The following NXN variants were observed in gnomAD, a reference collection of about 807,000 sequenced individuals.
The protein encoded by NXN is nucleoredoxin, also known as nucleoredoxin 1.
NXN carries 16 observed loss-of-function variants against 48.6 expected under a neutral mutation model. The observed-to-expected ratio is 0.33, with a 90% CI of 0.22 to 0.50. The LOEUF is 0.50. Among genes scored for constraint, NXN ranks in the 20% least tolerant of loss-of-function variants. The pLI, the probability that NXN is intolerant of heterozygous loss-of-function variation, is 0.98. For missense variants in NXN, 492 were observed against 605.5 expected (o/e 0.81, Z 1.97); for synonymous variants, 281 against 269.6 (o/e 1.04, Z -0.41).
chr17:823,227 T>C (rs983478872), intron 3 of NXN, among the ~76,000 whole-genome samples: 8 of 152,054 alleles, frequency 5.3e-5, no homozygotes, highest in Admixed American at 3.9e-4. Flanking sequence ...GGCAAAACCC[T>C]GTCTCTATTA....
At chr17:874,234 T>C (rs990436788) in intron 1 of NXN, among the ~76,000 whole-genome samples, 18 of 152,182 alleles carry the variant, frequency 1.2e-4, no homozygotes, top group Non-Finnish European at 1.9e-4. Context: ...TGATTGTAAG[T>C]TTCCCGAGGC....
At chr17:933,891 A>G (rs1445104123) in intron 1 of NXN, among the ~76,000 whole-genome samples, 1 of 152,158 alleles carries the variant, frequency 6.6e-6, no homozygotes, top group Non-Finnish European at 1.5e-5. Context: ...GGATTCCAAT[A>G]CAAGCAGCCA....
chr17:873,719 C>T (rs1337348404), intron 1 of NXN, among the ~76,000 whole-genome samples: 98 of 152,012 alleles, frequency 6.4e-4, no homozygotes, highest in Admixed American at 6.3e-3. Context: ...TGGTAGGAAA[C>T]GGCCTTCTCA....
At chr17:914,492 C>T (rs544502309) in intron 1 of NXN, among the ~76,000 whole-genome samples, 31 of 152,126 alleles carry the variant, frequency 2.0e-4, no homozygotes, top group Admixed American at 6.5e-4. Context: ...CTTTTTAAGG[C>T]GAGAAGTATG....
chr17:850,194 C>T (rs755350127), intron 1 of NXN, among the ~76,000 whole-genome samples: 34 of 152,188 alleles, frequency 2.2e-4, no homozygotes, highest in Non-Finnish European at 4.0e-4. Context: ...ACCTGACGGA[C>T]GCTCTCAGCC....
intron 5 of NXN, among the ~76,000 whole-genome samples, chr17:811,084 G>A (rs1017821747): frequency 6.6e-6 from 1 of 152,178 alleles, no homozygotes; most frequent in Non-Finnish European, 1.5e-5. Flanking sequence ...TGAGGAAGGA[G>A]GGAAGCAGAA....
chr17:890,113 G>A (rs1468465903), intron 1 of NXN, among the ~76,000 whole-genome samples: 4 of 151,840 alleles, frequency 2.6e-5, no homozygotes, highest in African/African-American at 4.8e-5. Context: ...GCATGCCGGC[G>A]TGAACTCAGT....
chr17:935,883 G>A (rs1320035962), intron 1 of NXN, among the ~76,000 whole-genome samples: 3 of 151,962 alleles, frequency 2.0e-5, no homozygotes, highest in African/African-American at 7.2e-5. Flanking sequence ...ACCTGAGGTC[G>A]GGAGTTTAAG....
intron 1 of NXN, among the ~76,000 whole-genome samples, chr17:870,388 A>G (rs910753722): frequency 3.9e-5 from 6 of 152,020 alleles, no homozygotes; most frequent in African/African-American, 1.4e-4. Flanking sequence ...TCTCACTGTT[A>G]TCACGTGATC....
intron 1 of NXN, among the ~76,000 whole-genome samples, chr17:891,357 T>C (rs1241577393): frequency 3.3e-5 from 5 of 152,220 alleles, no homozygotes; most frequent in Non-Finnish European, 5.9e-5. Context: ...AGTGAGCCAC[T>C]GCACCCGGCC....
intron 5 of NXN, among the ~76,000 whole-genome samples, chr17:814,016 T>C (rs149807722): frequency 1.3e-5 from 2 of 151,230 alleles, no homozygotes; most frequent in African/African-American, 4.9e-5. Flanking sequence ...ATCCCAGCAC[T>C]TTGGGAGGCC....
chr17:975,805 A>G (rs1174251682), intron 1 of NXN, among the ~76,000 whole-genome samples: 1 of 152,204 alleles, frequency 6.6e-6, no homozygotes, highest in Admixed American at 6.5e-5. Context: ...GGACCTCTCC[A>G]GTCTTGACGA....
rs1005823473 is a variant in NXN, at chr17:830,932, G to A, written c.361-4854C>T. On this transcript the variant is annotated intron_variant, in intron 1 of 7. Coordinates refer to ENST00000336868, the MANE Select transcript of NXN (RefSeq NM_022463.5). This position sits in a 1 kb window ranked among gnomAD's most constrained non-coding sequence, Gnocchi z 4.2. ...GGAGAATCACTTGAACCCGGGAGGC[G>A]GAGGTTGCTGTGAGCCGAGACTGAG... is the stretch of plus-strand genomic sequence containing the variant. Among the ~76,000 whole-genome samples, 19 of 151,856 alleles carry A rather than the reference G, an allele frequency of 1.3e-4. No homozygotes were observed. Among genetic ancestry groups the A allele is most frequent in the Non-Finnish European group, 1.8e-4 (12 of 67,998 alleles).
At chr17:813,738 GC>G (rs1912306671) in intron 5 of NXN, among the ~76,000 whole-genome samples, 6 of 152,094 alleles carry the variant, frequency 3.9e-5, no homozygotes, top group Non-Finnish European at 8.8e-5. Flanking sequence ...GGAGGCCAAG[GC>G]GGGCACATCA....
At chr17:821,774 A>G (rs1471503059) in intron 4 of NXN, among the ~76,000 whole-genome samples, 1 of 151,706 alleles carries the variant, frequency 6.6e-6, no homozygotes, top group African/African-American at 2.4e-5. Flanking sequence ...AAAACAAAAA[A>G]CAGCCATCCA....
intron 1 of NXN, among the ~76,000 whole-genome samples, chr17:946,706 A>AC (rs537439495): frequency 1.8e-3 from 277 of 151,140 alleles, no homozygotes; most frequent in African/African-American, 6.3e-3. Context: ...TGGAGGGACG[A>AC]CCCCCCGCAG....
intron 5 of NXN, among the ~76,000 whole-genome samples, chr17:808,453 C>T (rs934499503): frequency 2.6e-5 from 4 of 151,966 alleles, no homozygotes; most frequent in Admixed American, 6.6e-5. Context: ...CAGGTACACA[C>T]CACCACACCC....
rs930940793 is a variant in NXN, at chr17:962,829, C to T, written c.360+16490G>A. ...GAATGAGCCTCTCAGCTTATCCAAACGGCAGAGCCCAGCGGCGGGAGTTTC... is the reference window on the plus strand; with the variant it reads ...GAATGAGCCTCTCAGCTTATCCAAATGGCAGAGCCCAGCGGCGGGAGTTTC... On this transcript the variant is annotated intron_variant, in intron 1 of 7. Coordinates refer to ENST00000336868, the MANE Select transcript of NXN (RefSeq NM_022463.5). 5.9e-5 allele frequency among the ~76,000 whole-genome samples: 9 copies of T among 152,170 alleles called. No individual in the cohort carries two copies. The South Asian group carries it at 1.0e-3, about 18-fold the overall frequency.
At chr17:844,452 TA>T (rs2067837726) in intron 1 of NXN, among the ~76,000 whole-genome samples, 1 of 148,308 alleles carries the variant, frequency 6.7e-6, no homozygotes. Flanking sequence ...CAGTTCACCC[TA>T]ACCCCAGCCC....
Sources: allele counts gnomAD v4.1 joint callset (sites outside exome capture counted in the v4.1 genomes callset), GRCh38; gene constraint gnomAD v4.1.1; non-coding constraint Gnocchi (gnomAD v3.1); transcripts MANE v1.5; gene names NCBI Gene and HGNC (gene_info 2026-07-23, HGNC 2026-07-21).